PPP2R5E: variants seen among roughly 807,000 people sequenced by gnomAD.
PPP2R5E encodes protein phosphatase 2 regulatory subunit B'epsilon.
A neutral mutation model predicts 65.3 loss-of-function variants in PPP2R5E; 4 were observed. The ratio of observed to expected loss-of-function variants is 0.06; its 90% CI spans 0.03 to 0.14. The LOEUF is 0.14. Among genes scored for constraint, PPP2R5E ranks in the 10% least tolerant of loss-of-function variants. The pLI is 1.00. For missense variants in PPP2R5E, 274 were observed against 556.1 expected (o/e 0.49, Z 5.10); for synonymous variants, 183 against 187.4 (o/e 0.98, Z 0.19).
At chr14:63,520,182 C>G (rs533468113) in intron 2 of PPP2R5E, among the ~76,000 whole-genome samples, 1 of 151,912 alleles carries the variant, frequency 6.6e-6, no homozygotes, top group African/African-American at 2.4e-5. Context: ...ACTACTGGCG[C>G]CCGCCACCAC....
chr14:63,523,024 G>A (rs1893014355), intron 2 of PPP2R5E, among the ~76,000 whole-genome samples: 8 of 149,014 alleles, frequency 5.4e-5, no homozygotes, highest in Admixed American at 5.3e-4. Context: ...CTGCCCGGCC[G>A]CCCCTACTGG....
At chr14:63,441,078 G>C (rs1402470305) in intron 3 of PPP2R5E, among the ~76,000 whole-genome samples, 1 of 151,954 alleles carries the variant, frequency 6.6e-6, no homozygotes, top group African/African-American at 2.4e-5. Context: ...CTACAAAATG[G>C]TATCTATTAG....
intron 2 of PPP2R5E, among the ~76,000 whole-genome samples, chr14:63,501,321 C>T (rs113932154): frequency 0.12 from 18,195 of 150,852 alleles, 1,192 homozygotes; most frequent in Non-Finnish European, 0.13. Flanking sequence ...AGGAGAATGG[C>T]GTGAACCCGG....
chr14:63,517,881 A>T (rs1269681891), intron 2 of PPP2R5E, among the ~76,000 whole-genome samples: 1 of 152,174 alleles, frequency 6.6e-6, no homozygotes, highest in Non-Finnish European at 1.5e-5. Flanking sequence ...GTTGGTACTG[A>T]CAATAATTCT....
chr14:63,422,092 T>C lies in PPP2R5E; in HGVS notation c.357A>G (p.Val119=), dbSNP rs376560271. ...GGAGAGTTCTGAATATATTGCAAGA[T>C]ACCTAAAAATAAACAAGCAGCAGAG... ...EQTYPEVVRM[V]SCNIFRTLPP... Residue 119 remains valine (V), a splice_region_variant and synonymous_variant, in exon 4 of 14, where the codon GTA becomes GTG. Coordinates refer to ENST00000337537, the MANE Select transcript of PPP2R5E (RefSeq NM_006246.5). 8.1e-6 allele frequency: 13 copies of C among 1,608,138 alleles called. No homozygotes were observed. The highest frequency in any genetic ancestry group is 1.1e-5 in the South Asian group (1 of 90,940).
At chr14:63,522,563 C>T (rs964398331) in intron 2 of PPP2R5E, among the ~76,000 whole-genome samples, 3 of 150,272 alleles carry the variant, frequency 2.0e-5, no homozygotes, top group African/African-American at 7.4e-5. Flanking sequence ...GGCCGCCCAT[C>T]GTCTGAGATG....
chr14:63,425,969 C>T (rs988429588), intron 3 of PPP2R5E, among the ~76,000 whole-genome samples: 1 of 152,214 alleles, frequency 6.6e-6, no homozygotes, highest in African/African-American at 2.4e-5. Flanking sequence ...TTTAGCTACA[C>T]ACTGTCATTT....
intron 5 of PPP2R5E, among the ~76,000 whole-genome samples, chr14:63,397,929 A>G (rs527307597): frequency 2.0e-5 from 3 of 152,204 alleles, no homozygotes; most frequent in East Asian, 3.9e-4. Context: ...GGGTTTCACC[A>G]TATTGGTCAG....
Position 63,459,550 on chromosome 14 carries a change from A to G in PPP2R5E, c.158-5665T>C, listed in dbSNP as rs1594897073. On this transcript the variant is annotated intron_variant, in intron 2 of 13. Transcript: ENST00000337537. ...TTCAATGCACATAAGCAAATAAAAA[A>G]CTAACCCAGAACCAATCTGTTAACT... 2.0e-5 allele frequency among the ~76,000 whole-genome samples: 3 copies of G among 152,220 alleles called. No individual in the cohort carries two copies. In the East Asian group the frequency reaches 5.8e-4, roughly 29 times the overall value.
intron 11 of PPP2R5E, among the ~76,000 whole-genome samples, chr14:63,385,249 C>G (rs978469835): frequency 1.3e-5 from 2 of 152,024 alleles, no homozygotes; most frequent in Admixed American, 6.6e-5. Flanking sequence ...CTGCTTGAGC[C>G]TGGGAGGCGG....
At chr14:63,420,048 T>C (rs1361792975) in intron 4 of PPP2R5E, among the ~76,000 whole-genome samples, 3 of 152,164 alleles carry the variant, frequency 2.0e-5, no homozygotes, top group African/African-American at 7.2e-5. Flanking sequence ...ACTGTAATAA[T>C]GAGTAAAAGT....
chr14:63,504,827 C>A (rs1029804949), intron 2 of PPP2R5E, among the ~76,000 whole-genome samples: 4 of 152,086 alleles, frequency 2.6e-5, no homozygotes, highest in African/African-American at 9.7e-5. Flanking sequence ...AAAATGCTGT[C>A]TTGGTCATCT....
chr14:63,396,487 G>C, intron 6 of PPP2R5E, 99 bp downstream of exon 6: 3 of 1,442,154 alleles, frequency 2.1e-6, no homozygotes, highest in East Asian at 2.3e-5. Context: ...AAGGGAGAAA[G>C]AGAAGTCAGT....
intron 2 of PPP2R5E, among the ~76,000 whole-genome samples, chr14:63,489,210 A>G (rs2139625947): frequency 6.6e-6 from 1 of 152,162 alleles, no homozygotes; most frequent in East Asian, 1.9e-4. Flanking sequence ...GATTTTAAAA[A>G]TAGTATAGGC....
chr14:63,475,868 AC>A (rs1243707309), intron 2 of PPP2R5E, among the ~76,000 whole-genome samples: 3 of 152,228 alleles, frequency 2.0e-5, no homozygotes, highest in Non-Finnish European at 4.4e-5. Flanking sequence ...TATAATTTTA[AC>A]CCACAGGAAA....
chr14:63,407,329 G>A (rs574118334), intron 5 of PPP2R5E, among the ~76,000 whole-genome samples: 3 of 152,298 alleles, frequency 2.0e-5, no homozygotes, highest in Admixed American at 2.0e-4. Flanking sequence ...AACACAGGAA[G>A]CTTTCATTTG....
intron 1 of PPP2R5E, among the ~76,000 whole-genome samples, chr14:63,542,284 G>A (rs965293612): frequency 1.3e-5 from 2 of 152,106 alleles, no homozygotes; most frequent in African/African-American, 4.8e-5. Context: ...CCTGGGCCAG[G>A]GCTCCCGAAG....
In PPP2R5E at chr14:63,372,571, A is replaced by C. The variant is rs994950640; in HGVS notation, c.*3438T>G. The C allele has an allele frequency of 3.5e-5, 5 of 144,226 alleles. No homozygotes were observed. Among genetic ancestry groups the C allele is most frequent in the African/African-American group, 1.4e-4 (5 of 36,480 alleles). The allele number at this position is 144,226 out of a possible 1,614,324, so 8.9% of individuals were successfully genotyped here. ...CCAATTAAAAGGAAAAAAGGAAAAC[A>C]AGGAAAAAAAACCACCCCAAACCCC... On this transcript the variant is annotated 3_prime_UTR_variant, in exon 14 of 14. Coordinates refer to ENST00000337537, the MANE Select transcript of PPP2R5E (RefSeq NM_006246.5).
At chr14:63,492,118 C>T (rs904142054) in intron 2 of PPP2R5E, among the ~76,000 whole-genome samples, 7 of 152,014 alleles carry the variant, frequency 4.6e-5, no homozygotes, top group Non-Finnish European at 1.0e-4. Flanking sequence ...TTCAATAACC[C>T]GACCTACAGC....
Sources: gnomAD v4.1 joint callset for allele counts (sites outside exome capture counted in the v4.1 genomes callset) on GRCh38, gnomAD v4.1.1 for gene constraint, MANE v1.5 for transcripts, NCBI Gene and HGNC (gene_info 2026-07-23, HGNC 2026-07-21) for gene names.